COL17A1: variants seen among roughly 807,000 people sequenced by gnomAD.
COL17A1 encodes the protein collagen alpha-1(XVII) chain.
COL17A1 carries 181 observed loss-of-function variants against 218.4 expected under a neutral mutation model. That is an observed-to-expected ratio of 0.83 (90% CI 0.73 to 0.94). The LOEUF is 0.94. COL17A1 is among the 40% of genes least tolerant of loss of function. The pLI, the probability that COL17A1 is intolerant of heterozygous loss-of-function variation, is 0.00. For synonymous variants in COL17A1, 721 were observed against 731.0 expected, an observed-to-expected ratio of 0.99 and a Z score of 0.22; for missense variants, 1,924 against 1,945.9, an observed-to-expected ratio of 0.99 and a Z score of 0.21.
At position 104,034,014 on chromosome 10, in the gene COL17A1, A is replaced by C. The variant is rs1293157499; in HGVS notation, c.4087T>G (p.Leu1363Val). Residue 1363 changes from leucine (L) to valine (V), a missense_variant, in exon 52 of 56, where the codon TTG becomes GTG. Transcript: ENST00000648076. The part of the protein sequence containing the change: ...GGMYAGNGGL[L>V]GADFAGDLDY... ...AGATCTCCAGCAAAGTCAGCTCCCA[A>C]TAGTCCGCCATTGCCAGCATACATG... 9.3e-6 allele frequency: 15 copies of C among 1,614,048 alleles called. No individual in the cohort carries two copies. The highest frequency in any genetic ancestry group is 1.2e-5 in the Non-Finnish European group (14 of 1,180,034).
At chr10:104,055,459 C>CACACACACACACAA (rs1434254194) in intron 18 of COL17A1, 58 bp from the exon 19 acceptor site, 1 of 1,479,006 alleles carries the variant, frequency 6.8e-7, no homozygotes, top group African/African-American at 1.4e-5. Context: ...CACACACACA[C>CACACACACACACAA]ACACACACAC....
chr10:104,061,591 A>G, intron 12 of COL17A1, 118 bp from the exon 13 acceptor site: 5 of 797,860 alleles, frequency 6.3e-6, no homozygotes, highest in Non-Finnish European at 8.5e-6. Context: ...CAGATGATGA[A>G]TCAACTCTCT....
chr10:104,049,312 A>T, intron 29 of COL17A1, 97 bp downstream of exon 29: 1 of 1,103,844 alleles, frequency 9.1e-7, no homozygotes. Flanking sequence ...GGCAGATTAG[A>T]GAGTAGGAGA....
chr10:104,073,337 T>C lies in COL17A1; in HGVS notation c.380-92A>G, dbSNP rs1358596911. 4.4e-6 allele frequency: 5 copies of C among 1,131,282 alleles called. No homozygotes were observed. In the African/African-American group the frequency reaches 7.7e-5, roughly 17 times the overall value. 70.1% of individuals were successfully genotyped at this position (1,131,282 alleles called of 1,614,324 possible). On this transcript the variant is annotated intron_variant, in intron 6 of 55. Coordinates refer to ENST00000648076, the MANE Select transcript of COL17A1 (RefSeq NM_000494.4). The stretch of plus-strand genomic sequence containing the variant: ...GAGGCAGATATATTTGGGGAGGGGT[T>C]ACTTTCATAGTGTGTCTAAATCCAG...
At chr10:104,034,556 C>T (rs925193529) in intron 51 of COL17A1, 65 bp downstream of exon 51, 36 of 1,572,744 alleles carry the variant, frequency 2.3e-5, no homozygotes, top group Non-Finnish European at 2.9e-5. Flanking sequence ...GCCTCCCTGC[C>T]CCACTTACAG....
At chr10:104,069,108 G>A (rs1033067325) in intron 9 of COL17A1, among the ~76,000 whole-genome samples, 26 of 152,204 alleles carry the variant, frequency 1.7e-4, no homozygotes, top group African/African-American at 6.3e-4. Flanking sequence ...AAACAAAAAA[G>A]TAGTTAGAAA....
chr10:104,060,305 A>C (rs1338843530), intron 13 of COL17A1, 25 bp from the exon 14 acceptor site: 1 of 1,613,524 alleles, frequency 6.2e-7, no homozygotes, highest in South Asian at 1.1e-5. Context: ...AATGGGTAAG[A>C]AGGAAGGACA....
chr10:104,034,899 G>T (rs2086260232), intron 50 of COL17A1, 132 bp from the exon 51 acceptor site: 2 of 1,141,226 alleles, frequency 1.8e-6, no homozygotes, highest in Middle Eastern at 3.0e-4. Flanking sequence ...GTGATGGGAG[G>T]AGAGAAAAGC....
rs761530441 is a variant in COL17A1, at chr10:104,058,126, G to A, written c.1267+20C>T. The A allele has an allele frequency of 3.2e-5, 51 of 1,613,974 alleles. No homozygotes were observed. Among genetic ancestry groups the A allele is most frequent in the Non-Finnish European group, 2.5e-6 (3 of 1,180,026 alleles). On this transcript the variant is annotated intron_variant, in intron 16 of 55. Coordinates refer to ENST00000648076, the MANE Select transcript of COL17A1 (RefSeq NM_000494.4). The stretch of plus-strand genomic sequence containing the variant: ...GCCCCACTGGATCCTGTCACTGCAG[G>A]GTTCGCGGTTCTCACCCACCTGCAG...
rs375785806 is a variant in COL17A1, at chr10:104,035,338, G to C, written c.3544C>G (p.Pro1182Ala). 117 of 1,614,212 alleles carry C rather than the reference G, an allele frequency of 7.2e-5. No homozygotes were observed. The highest frequency in any genetic ancestry group is 3.3e-4 in the Middle Eastern group (2 of 6,062). The change falls in exon 50 of 56, where the codon CCC becomes GCC. Residue 1182 changes from proline (P) to alanine (A), a missense_variant. Physicochemically the swap from Pro to Ala is conservative, Grantham distance 27. Coordinates refer to ENST00000648076, the MANE Select transcript of COL17A1 (RefSeq NM_000494.4). ...CCTGGGATCCCTGGTGGACCCGGGGGACCTGGGGGTCCAACGATGCCTCTG... is the reference window on the plus strand; with the variant it reads ...CCTGGGATCCCTGGTGGACCCGGGGCACCTGGGGGTCCAACGATGCCTCTG... ...EFRGIVGPPG[P>A]PGPPGIPGNV...
Position 104,070,546 on chromosome 10 carries a change from G to T in COL17A1, c.487C>A (p.Arg163Ser). 1 of 1,614,148 alleles carries T rather than the reference G, an allele frequency of 6.2e-7. No homozygotes were observed. Among genetic ancestry groups the T allele is most frequent in the East Asian group, 2.2e-5 (1 of 44,884 alleles). ...TRWTELDDVKRLLKGSRSASV... is the reference protein window; with the variant it reads ...TRWTELDDVKSLLKGSRSASV... Reference sequence around the variant, plus strand: ...GCCGATCGACTCCCCTTGAGCAAACGCTTAACATCATCCAATTCTGTCCCT... The same window carrying T: ...GCCGATCGACTCCCCTTGAGCAAACTCTTAACATCATCCAATTCTGTCCCT... Residue 163 changes from arginine to serine, a missense_variant, in exon 9 of 56, where the codon CGT (arginine) becomes AGT (serine). By Grantham distance (110) the Arg-to-Ser change is moderately radical. Transcript: ENST00000648076.
At position 104,071,417 on chromosome 10, in the gene COL17A1, G is replaced by A. The variant is rs148097842; in HGVS notation, c.463+615C>T. On this transcript the variant is annotated intron_variant, in intron 8 of 55. Transcript: ENST00000648076. ...GTTCTTTCTTCTACTCCTTGAACAT[G>A]ACTGCTGTCCTAAAGTTGAGCTCAT... 1.8e-3 allele frequency among the ~76,000 whole-genome samples: 275 copies of A among 152,258 alleles called. 1 individual carries two copies. The highest frequency in any genetic ancestry group is 6.1e-3 in the African/African-American group (252 of 41,552).
Position 104,055,372 on chromosome 10 carries a change from C to G in COL17A1, c.1717G>C (p.Gly573Arg). The change falls in exon 19 of 56, where the codon GGT becomes CGT. Residue 573 changes from glycine (G) to arginine (R), a missense_variant and splice_region_variant. By Grantham distance (125) the Gly-to-Arg change is moderately radical. Transcript: ENST00000648076. The stretch of plus-strand genomic sequence containing the variant: ...GACAAGGTTCAATCCATGGCAATAC[C>G]TTTAGGGCCAGGGCTTCCTCGGAGA... ...GNLRGSPGPK[G>R]DMGSPGPKGD... 1 of 1,612,808 alleles carries G rather than the reference C, an allele frequency of 6.2e-7. No homozygotes were observed. Among genetic ancestry groups the G allele is most frequent in the Non-Finnish European group, 8.5e-7 (1 of 1,179,458 alleles).
At chr10:104,034,378 G>A in intron 51 of COL17A1, 44 bp from the exon 52 acceptor site, 2 of 1,530,144 alleles carry the variant, frequency 1.3e-6, no homozygotes, top group South Asian at 2.4e-5. Flanking sequence ...AGATCTCGGT[G>A]GAGAGAAAGA....
intron 32 of COL17A1, 140 bp from the exon 33 acceptor site, chr10:104,045,933 C>T: frequency 1.3e-6 from 1 of 765,090 alleles, no homozygotes; most frequent in Non-Finnish European, 2.3e-6. Flanking sequence ...TGCCTTCCGC[C>T]TTAGTCTAGA....
chr10:104,039,151 C>A, intron 43 of COL17A1, 30 bp from the exon 44 acceptor site: 2 of 1,612,352 alleles, frequency 1.2e-6, no homozygotes, highest in Non-Finnish European at 1.7e-6. Context: ...GTTTGCCTCA[C>A]CTCCTCCAGG....
chr10:104,034,680 G>C lies in COL17A1; in HGVS notation c.3707C>G (p.Ala1236Gly). Residue 1236 changes from alanine to glycine, a missense_variant, in exon 51 of 56, where the codon GCA becomes GGA. By Grantham distance (60) the Ala-to-Gly change is moderately conservative. Coordinates refer to ENST00000648076, the MANE Select transcript of COL17A1 (RefSeq NM_000494.4). Reference protein sequence around the residue: ...RGPPGVSGALATYAAENSDSF... With the variant: ...RGPPGVSGALGTYAAENSDSF... ...GTCGCTGTTTTCAGCTGCATAGGTT[G>C]CCAGGGCTCCTGAGACACCCGGGGG... The C allele has an allele frequency of 6.2e-7, 1 of 1,610,542 alleles. No homozygotes were observed. Among genetic ancestry groups the C allele is most frequent in the East Asian group, 2.2e-5 (1 of 44,738 alleles).
chr10:104,042,331 A>G, intron 36 of COL17A1, 89 bp downstream of exon 36: 1 of 1,412,280 alleles, frequency 7.1e-7, no homozygotes, highest in Non-Finnish European at 1.0e-6. Flanking sequence ...CTTTCACGTC[A>G]TCTAGAACAG....
intron 9 of COL17A1, 128 bp downstream of exon 9, chr10:104,070,298 T>G (rs2134645020): frequency 7.8e-4 from 1,194 of 1,523,334 alleles, no homozygotes; most frequent in Non-Finnish European, 9.0e-4. Context: ...CTAGCTGGAA[T>G]GAGATTTGGT....
Sources: gnomAD v4.1 joint callset for allele counts (sites outside exome capture counted in the v4.1 genomes callset) on GRCh38, gnomAD v4.1.1 for gene constraint, MANE v1.5 for transcripts, NCBI Gene and HGNC (gene_info 2026-07-23, HGNC 2026-07-21) for gene names.